The following MMP16 variants were observed in gnomAD, a reference collection of about 807,000 sequenced individuals.
MMP16 encodes matrix metalloproteinase-16.
A neutral mutation model predicts 67.8 loss-of-function variants in MMP16; 12 were observed. The ratio of observed to expected loss-of-function variants is 0.18; its 90% CI spans 0.11 to 0.29. MMP16 has a LOEUF of 0.29. Among genes scored for constraint, MMP16 ranks in the 10% least tolerant of loss-of-function variants. MMP16 has a pLI of 1.00. For synonymous variants in MMP16, 249 were observed against 255.9 expected (o/e 0.97, Z 0.26); for missense variants, 475 against 765.7 (o/e 0.62, Z 4.48).
At chr8:88,225,663 GCA>G (rs144526980) in intron 1 of MMP16, among the ~76,000 whole-genome samples, 8 of 150,124 alleles carry the variant, frequency 5.3e-5, no homozygotes, top group Admixed American at 1.3e-4. Flanking sequence ...ACAATAACAG[GCA>G]CACACACACA....
chr8:88,285,740 T>C lies in MMP16; in HGVS notation c.132+41335A>G, dbSNP rs572681621. The stretch of plus-strand genomic sequence containing the variant: ...TAAAAATTAATGTTGCAGTAAAATA[T>C]ATACATCATTTACCATTTTAAATTG... On this transcript the variant is annotated intron_variant, in intron 1 of 9. Coordinates refer to ENST00000286614, the MANE Select transcript of MMP16 (RefSeq NM_005941.5). Among the ~76,000 whole-genome samples the C allele has an allele frequency of 7.9e-4, 120 of 152,314 alleles. 1 individual carries two copies. In the Middle Eastern group the frequency reaches 0.017, roughly 22 times the overall value.
intron 4 of MMP16, among the ~76,000 whole-genome samples, chr8:88,135,353 TA>T (rs923030551): frequency 6.6e-6 from 1 of 151,838 alleles, no homozygotes; most frequent in African/African-American, 2.4e-5. Context: ...CTGAGGTCAA[TA>T]AAATAAGGTC....
chr8:88,241,328 C>G (rs1316289732), intron 1 of MMP16, among the ~76,000 whole-genome samples: 1 of 151,912 alleles, frequency 6.6e-6, no homozygotes, highest in Non-Finnish European at 1.5e-5. Flanking sequence ...CTTTTCTTAC[C>G]ATATTTCTTT....
At chr8:88,098,727 C>A (rs1489250554) in intron 6 of MMP16, among the ~76,000 whole-genome samples, 1 of 151,896 alleles carries the variant, frequency 6.6e-6, no homozygotes. Context: ...ATTGTGAACA[C>A]CCGGCTCTCA....
intron 4 of MMP16, among the ~76,000 whole-genome samples, chr8:88,136,545 C>T (rs1343207806): frequency 6.6e-6 from 1 of 151,308 alleles, no homozygotes; most frequent in Non-Finnish European, 1.5e-5. Flanking sequence ...TTGCTACATC[C>T]CCAAAGGAAC....
chr8:88,118,281 A>T (rs1586160351), intron 5 of MMP16, among the ~76,000 whole-genome samples: 1 of 152,152 alleles, frequency 6.6e-6, no homozygotes, highest in East Asian at 1.9e-4. Context: ...CCTAACATCA[A>T]ATCTCACAAA....
intron 1 of MMP16, among the ~76,000 whole-genome samples, chr8:88,311,011 G>A (rs971841567): frequency 1.4e-4 from 21 of 152,118 alleles, no homozygotes; most frequent in African/African-American, 1.4e-4. Context: ...TACAGATGCC[G>A]CTATCTGCCT....
At chr8:88,279,238 A>G (rs1019879419) in intron 1 of MMP16, among the ~76,000 whole-genome samples, 2 of 151,806 alleles carry the variant, frequency 1.3e-5, no homozygotes, top group Non-Finnish European at 2.9e-5. Flanking sequence ...AAAAAAAAGA[A>G]GCAATGCATA....
intron 3 of MMP16, 58 bp from the exon 4 acceptor site, chr8:88,168,031 G>A (rs1808741480): frequency 3.0e-6 from 4 of 1,333,586 alleles, no homozygotes; most frequent in South Asian, 1.5e-5. Flanking sequence ...CTTAGTACAG[G>A]TTTTGATCGA....
chr8:88,080,767 G>A (rs1004952568), intron 6 of MMP16, among the ~76,000 whole-genome samples: 12 of 152,118 alleles, frequency 7.9e-5, no homozygotes, highest in Non-Finnish European at 1.8e-4. Context: ...TCTGATGTGG[G>A]CGTGGAGAGT....
At chr8:88,077,586 G>A (rs1419608214) in intron 6 of MMP16, among the ~76,000 whole-genome samples, 1 of 152,062 alleles carries the variant, frequency 6.6e-6, no homozygotes, top group Non-Finnish European at 1.5e-5. Flanking sequence ...CAAGAATGTC[G>A]GTCTTTTGTT....
intron 1 of MMP16, among the ~76,000 whole-genome samples, chr8:88,278,301 T>C (rs915161471): frequency 1.3e-5 from 2 of 152,170 alleles, no homozygotes; most frequent in African/African-American, 4.8e-5. Context: ...ACATGTCCAC[T>C]GCTTGAGAAA....
In MMP16 at chr8:88,167,662, TA is replaced by T. The variant is rs1174859029; in HGVS notation, c.709+6del. On this transcript the variant is annotated splice_donor_region_variant and intron_variant, in intron 4 of 9. Transcript: ENST00000286614. ...ATATTTACACTGTAAAACAAACATG[TA>T]CTTACCATCATGATTAGGATTTCCT... is the stretch of plus-strand genomic sequence containing the variant. 3.1e-6 allele frequency: 5 copies of T among 1,600,714 alleles called. No homozygotes were observed. Among genetic ancestry groups the T allele is most frequent in the Non-Finnish European group, 4.3e-6 (5 of 1,172,700 alleles).
intron 1 of MMP16, among the ~76,000 whole-genome samples, chr8:88,284,814 G>C (rs1022623747): frequency 6.6e-6 from 1 of 151,314 alleles, no homozygotes; most frequent in South Asian, 2.1e-4. Flanking sequence ...TTCCCCCAAG[G>C]GTGCTTCCTT....
At chr8:88,099,049 T>C (rs1480187553) in intron 6 of MMP16, among the ~76,000 whole-genome samples, 1 of 151,830 alleles carries the variant, frequency 6.6e-6, no homozygotes, top group African/African-American at 2.4e-5. Context: ...ATAAGTGATA[T>C]ATGTATAAGG....
intron 4 of MMP16, among the ~76,000 whole-genome samples, chr8:88,119,266 T>C (rs768875208): frequency 2.9e-4 from 44 of 152,194 alleles, no homozygotes; most frequent in Non-Finnish European, 5.7e-4. Flanking sequence ...GGGCAGATAC[T>C]GTCCTTACTT....
At chr8:88,138,756 T>C (rs1808163637) in intron 4 of MMP16, among the ~76,000 whole-genome samples, 1 of 152,102 alleles carries the variant, frequency 6.6e-6, no homozygotes. Context: ...TTCACCAGGA[T>C]CTTCACATCT....
At chr8:88,110,984 T>C (rs1809324747) in intron 6 of MMP16, among the ~76,000 whole-genome samples, 1 of 151,666 alleles carries the variant, frequency 6.6e-6, no homozygotes, top group Non-Finnish European at 1.5e-5. Context: ...AGCAAATATT[T>C]GTCTACTATG....
intron 1 of MMP16, among the ~76,000 whole-genome samples, chr8:88,213,985 A>G (rs912834810): frequency 5.3e-5 from 8 of 152,084 alleles, no homozygotes; most frequent in African/African-American, 1.9e-4. Context: ...TAGTAATTCA[A>G]CCTCTCTGAT....
Sources: gnomAD v4.1 joint callset for allele counts (sites outside exome capture counted in the v4.1 genomes callset) on GRCh38, gnomAD v4.1.1 for gene constraint, MANE v1.5 for transcripts, NCBI Gene and HGNC (gene_info 2026-07-23, HGNC 2026-07-21) for gene names.